Variants in TBC1D5 observed in about 807,000 individuals in gnomAD.
TBC1D5 encodes the protein TBC1 domain family, member 5.
TBC1D5 carries 75 observed loss-of-function variants against 100.3 expected under a neutral mutation model. The ratio of observed to expected loss-of-function variants is 0.75; its 90% CI spans 0.62 to 0.91. TBC1D5 has a LOEUF of 0.91. Ranked by LOEUF, TBC1D5 falls within the 40% of genes least tolerant of loss-of-function variation. The pLI, the probability that TBC1D5 is intolerant of heterozygous loss-of-function variation, is 0.00. For missense variants in TBC1D5, 910 were observed against 942.4 expected, an observed-to-expected ratio of 0.97 and a Z score of 0.45; for synonymous variants, 323 against 325.6, an observed-to-expected ratio of 0.99 and a Z score of 0.09.
intron 17 of TBC1D5, 33 bp from the exon 18 acceptor site, chr3:17,233,783 A>G: frequency 1.4e-6 from 2 of 1,390,020 alleles, no homozygotes; most frequent in Non-Finnish European, 2.0e-6. Flanking sequence ...ATTAGATTTC[A>G]TAAAAAGGAA....
In TBC1D5 at chr3:17,607,003, T is replaced by C. The variant is rs567744313; in HGVS notation, c.-36+16846A>G. 3.3e-5 allele frequency among the ~76,000 whole-genome samples: 5 copies of C among 152,300 alleles called. No homozygotes were observed. The South Asian group carries it at 1.0e-3, about 32-fold the overall frequency. On this transcript the variant is annotated intron_variant, in intron 2 of 21. Transcript: ENST00000253692. ...TTTTACCAAAGAGAATAATTAGCCA[T>C]GGTTTAAACTAACCAGATATATATA...
intron 15 of TBC1D5, among the ~76,000 whole-genome samples, chr3:17,274,728 C>G (rs766457523): frequency 6.6e-5 from 10 of 152,166 alleles, no homozygotes; most frequent in Non-Finnish European, 1.5e-4. Context: ...ATCTGAAATA[C>G]TCTCTATTTT....
intron 1 of TBC1D5, among the ~76,000 whole-genome samples, chr3:17,720,896 G>C (rs974800134): frequency 2.6e-5 from 4 of 151,608 alleles, no homozygotes; most frequent in Admixed American, 2.6e-4. Flanking sequence ...CTAGAGTGCA[G>C]TGGCACAATC....
intron 15 of TBC1D5, among the ~76,000 whole-genome samples, chr3:17,287,723 C>G (rs1304735505): frequency 6.6e-6 from 1 of 152,184 alleles, no homozygotes; most frequent in Non-Finnish European, 1.5e-5. Flanking sequence ...AGAAATCTTT[C>G]CACAGTAAAG....
intron 9 of TBC1D5, among the ~76,000 whole-genome samples, chr3:17,380,380 G>T (rs2092899942): frequency 6.6e-6 from 1 of 151,082 alleles, no homozygotes. Context: ...TGAGATTTTT[G>T]GTTTTGCTAT....
At chr3:17,619,573 TATC>T (rs2062475701) in intron 2 of TBC1D5, among the ~76,000 whole-genome samples, 1 of 152,208 alleles carries the variant, frequency 6.6e-6, no homozygotes, top group Non-Finnish European at 1.5e-5. Flanking sequence ...ATGTTTCTCA[TATC>T]ATACATAAAA....
intron 1 of TBC1D5, among the ~76,000 whole-genome samples, chr3:17,727,443 T>C (rs934405280): frequency 2.6e-5 from 4 of 152,110 alleles, no homozygotes; most frequent in Non-Finnish European, 4.4e-5. Flanking sequence ...GGTGAAAAGA[T>C]AATAAATAAA....
chr3:17,384,486 G>T (rs1164459804), intron 8 of TBC1D5, among the ~76,000 whole-genome samples: 1 of 151,868 alleles, frequency 6.6e-6, no homozygotes, highest in Non-Finnish European at 1.5e-5. Flanking sequence ...TTACAATATA[G>T]ACTTCTAAAT....
At chr3:17,182,044 C>A (rs1390593962) in intron 19 of TBC1D5, among the ~76,000 whole-genome samples, 1 of 152,076 alleles carries the variant, frequency 6.6e-6, no homozygotes, top group Admixed American at 6.5e-5. Context: ...TCTTAAGAAG[C>A]CATAATATGT....
chr3:17,591,108 C>T (rs576104020), intron 2 of TBC1D5, among the ~76,000 whole-genome samples: 14 of 151,158 alleles, frequency 9.3e-5, no homozygotes, highest in East Asian at 7.8e-4. Flanking sequence ...TGGTGGCGGG[C>T]GCCTGTAGTC....
chr3:17,592,916 C>G (rs566337177), intron 2 of TBC1D5, among the ~76,000 whole-genome samples: 15 of 152,166 alleles, frequency 9.9e-5, no homozygotes, highest in Non-Finnish European at 1.9e-4. Context: ...GACTATGGGT[C>G]ATCAAGTCAC....
At chr3:17,298,801 C>T (rs1470941824) in intron 14 of TBC1D5, among the ~76,000 whole-genome samples, 1 of 152,126 alleles carries the variant, frequency 6.6e-6, no homozygotes, top group Non-Finnish European at 1.5e-5. Flanking sequence ...CTTCATTCAT[C>T]TGACTATATG....
intron 1 of TBC1D5, among the ~76,000 whole-genome samples, chr3:17,690,900 C>A (rs2071059036): frequency 6.6e-6 from 1 of 152,086 alleles, no homozygotes; most frequent in Non-Finnish European, 1.5e-5. Context: ...TGCTTTCCAG[C>A]AGTACGTAAA....
chr3:17,624,417 T>C (rs1316853437), intron 1 of TBC1D5, among the ~76,000 whole-genome samples: 1 of 152,138 alleles, frequency 6.6e-6, no homozygotes, highest in Non-Finnish European at 1.5e-5. Context: ...GTTGTGTCTT[T>C]GATCACTAAC....
intron 1 of TBC1D5, among the ~76,000 whole-genome samples, chr3:17,703,413 G>A (rs1321249058): frequency 2.6e-5 from 4 of 151,822 alleles, no homozygotes; most frequent in Non-Finnish European, 4.4e-5. Context: ...TAAATAAGTA[G>A]GCAAATTTTT....
chr3:17,630,632 C>T (rs373701069), intron 1 of TBC1D5, among the ~76,000 whole-genome samples: 2 of 152,086 alleles, frequency 1.3e-5, no homozygotes, highest in African/African-American at 4.8e-5. Flanking sequence ...GAAATTAGGT[C>T]AATTAATGGC....
At chr3:17,589,693 GAATT>G (rs2096754187) in intron 2 of TBC1D5, among the ~76,000 whole-genome samples, 1 of 152,142 alleles carries the variant, frequency 6.6e-6, no homozygotes, top group African/African-American at 2.4e-5. Flanking sequence ...ACACATTTTA[GAATT>G]AATCACTTCG....
chr3:17,549,797 G>A (rs1210906753), intron 2 of TBC1D5, among the ~76,000 whole-genome samples: 1 of 152,028 alleles, frequency 6.6e-6, no homozygotes. Context: ...TGGGTGTGTA[G>A]TGCATGCCTG....
At chr3:17,585,855 T>A (rs2096729422) in intron 2 of TBC1D5, among the ~76,000 whole-genome samples, 1 of 152,228 alleles carries the variant, frequency 6.6e-6, no homozygotes, top group Admixed American at 6.5e-5. Context: ...TACATTTTAT[T>A]CCTTATTATG....
Sources: gnomAD v4.1 joint callset for allele counts (sites outside exome capture counted in the v4.1 genomes callset) on GRCh38, gnomAD v4.1.1 for gene constraint, MANE v1.5 for transcripts, NCBI Gene and HGNC (gene_info 2026-07-23, HGNC 2026-07-21) for gene names.